The following NRXN1 variants were observed in gnomAD, a reference collection of about 807,000 sequenced individuals.
NRXN1 encodes neurexin 1, also known as neurexin-1.
In NRXN1, 39 loss-of-function variants were observed where a neutral mutation model predicts 150.9. The ratio of observed to expected loss-of-function variants is 0.26; its 90% CI spans 0.20 to 0.34. The LOEUF (loss-of-function observed/expected upper bound fraction) is 0.34, where lower values mean the gene tolerates loss of function less well. Ranked by LOEUF, NRXN1 falls within the 10% of genes least tolerant of loss-of-function variation. The probability of loss-of-function intolerance (pLI) is 1.00; values close to 1 mark genes in which losing one functional copy is unlikely to be tolerated. For synonymous variants in NRXN1, 924 were observed against 757.0 expected, an observed-to-expected ratio of 1.22 and a Z score of -3.62; for missense variants, 1,815 against 1,949.9, an observed-to-expected ratio of 0.93 and a Z score of 1.30.
chr2:50,223,753 C>G (rs1364040125), intron 18 of NRXN1, among the ~76,000 whole-genome samples: 1 of 151,926 alleles, frequency 6.6e-6, no homozygotes, highest in African/African-American at 2.4e-5. Flanking sequence ...CATTTACATG[C>G]TTAAGTACAC....
At chr2:49,927,376 A>C (rs908070268) in intron 22 of NRXN1, among the ~76,000 whole-genome samples, 4 of 152,254 alleles carry the variant, frequency 2.6e-5, no homozygotes, top group African/African-American at 9.6e-5. Context: ...GGGCACATTA[A>C]GCCATTAAAC....
At chr2:50,598,176 T>C (rs889535928) in intron 8 of NRXN1, among the ~76,000 whole-genome samples, 9 of 151,800 alleles carry the variant, frequency 5.9e-5, no homozygotes, top group African/African-American at 2.2e-4. Flanking sequence ...TCAATACCTC[T>C]ACCCGGTGAA....
intron 18 of NRXN1, among the ~76,000 whole-genome samples, chr2:50,197,858 C>T (rs1574448461): frequency 6.6e-6 from 1 of 152,120 alleles, no homozygotes; most frequent in Non-Finnish European, 1.5e-5. Context: ...AGAGAATGAA[C>T]ATATTTTTTA....
intron 5 of NRXN1, among the ~76,000 whole-genome samples, chr2:50,707,846 T>C (rs1430092481): frequency 6.6e-6 from 1 of 152,200 alleles, no homozygotes; most frequent in Non-Finnish European, 1.5e-5. Flanking sequence ...TCCTAGAAGA[T>C]CTTACAGATT....
At chr2:50,387,829 G>A (rs1427093287) in intron 17 of NRXN1, among the ~76,000 whole-genome samples, 1 of 152,124 alleles carries the variant, frequency 6.6e-6, no homozygotes, top group Non-Finnish European at 1.5e-5. Context: ...GAACTCCCAG[G>A]AGGCTGTGAA....
intron 18 of NRXN1, among the ~76,000 whole-genome samples, chr2:50,099,620 CTT>C (rs769044456): frequency 6.6e-6 from 1 of 152,100 alleles, no homozygotes; most frequent in Non-Finnish European, 1.5e-5. Context: ...TTATTCATCA[CTT>C]TGAAAAACAA....
At chr2:50,540,115 A>C (rs1028138870) in intron 9 of NRXN1, among the ~76,000 whole-genome samples, 1 of 152,204 alleles carries the variant, frequency 6.6e-6, no homozygotes, top group African/African-American at 2.4e-5. Flanking sequence ...TGGCCGAGTC[A>C]TTAAGAGGAT....
intron 21 of NRXN1, among the ~76,000 whole-genome samples, chr2:50,042,448 G>T (rs180797201): frequency 4.0e-4 from 61 of 152,254 alleles, no homozygotes; most frequent in African/African-American, 1.4e-3. Context: ...TGCCATGATT[G>T]TAAGTTTCCT....
intron 5 of NRXN1, among the ~76,000 whole-genome samples, chr2:50,855,052 G>C (rs540375964): frequency 6.6e-6 from 1 of 152,072 alleles, no homozygotes; most frequent in Non-Finnish European, 1.5e-5. Context: ...ACCTTCTCTA[G>C]ACACACCGGG....
chr2:50,393,789 A>G (rs1194328310), intron 17 of NRXN1, among the ~76,000 whole-genome samples: 2 of 152,138 alleles, frequency 1.3e-5, no homozygotes, highest in Non-Finnish European at 2.9e-5. Context: ...TGCTGCTGAC[A>G]CATACAATTC....
intron 17 of NRXN1, among the ~76,000 whole-genome samples, chr2:50,393,508 T>C (rs554137119): frequency 1.3e-5 from 2 of 152,222 alleles, no homozygotes; most frequent in East Asian, 3.9e-4. Context: ...ATTTTGGCTG[T>C]GGAAAACAGA....
At chr2:50,683,646 A>AAAAAAAAAAAAAAAAATATATAT in intron 5 of NRXN1, among the ~76,000 whole-genome samples, 20 of 14,906 alleles carry the variant, frequency 1.3e-3, no homozygotes, top group African/African-American at 2.5e-3. Flanking sequence ...AAAAAAAAAA[A>AAAAAAAAAAAAAAAAATATATAT]ATATATATAT....
intron 19 of NRXN1, among the ~76,000 whole-genome samples, chr2:50,073,867 G>A (rs968006085): frequency 2.6e-5 from 4 of 152,086 alleles, no homozygotes; most frequent in African/African-American, 7.2e-5. Flanking sequence ...ATTTTATCGA[G>A]AAAGAAGCAA....
At chr2:49,930,131 CAGTT>C (rs988170144) in intron 22 of NRXN1, among the ~76,000 whole-genome samples, 8 of 152,214 alleles carry the variant, frequency 5.3e-5, no homozygotes, top group Non-Finnish European at 1.0e-4. Flanking sequence ...AATTAAACAA[CAGTT>C]AGAGTGGTTG....
chr2:51,011,230 A>T (rs1342951032), intron 2 of NRXN1, among the ~76,000 whole-genome samples: 2 of 151,884 alleles, frequency 1.3e-5, no homozygotes, highest in Non-Finnish European at 2.9e-5. Context: ...GTTTTGTTTG[A>T]CCATTACCGA....
chr2:49,977,671 A>G (rs924587144), intron 21 of NRXN1, among the ~76,000 whole-genome samples: 1 of 152,188 alleles, frequency 6.6e-6, no homozygotes, highest in Non-Finnish European at 1.5e-5. Context: ...GGACAACTCA[A>G]AGGATGGTGA....
At chr2:49,973,554 T>C (rs1413334614) in intron 21 of NRXN1, among the ~76,000 whole-genome samples, 1 of 152,120 alleles carries the variant, frequency 6.6e-6, no homozygotes, top group East Asian at 1.9e-4. Context: ...TGGCAAGTAC[T>C]GAAAGCAGCT....
intron 17 of NRXN1, among the ~76,000 whole-genome samples, chr2:50,300,192 T>C (rs1192256699): frequency 6.6e-6 from 1 of 152,170 alleles, no homozygotes; most frequent in African/African-American, 2.4e-5. Context: ...AAAAGAGCCG[T>C]TGTTTCTGAA....
chr2:50,844,316 C>T (rs1673313947), intron 5 of NRXN1, among the ~76,000 whole-genome samples: 1 of 152,164 alleles, frequency 6.6e-6, no homozygotes, highest in Non-Finnish European at 1.5e-5. Context: ...CACTTCTCCG[C>T]TTAAATTTTG....
Sources: allele counts gnomAD v4.1 joint callset (sites outside exome capture counted in the v4.1 genomes callset), GRCh38; gene constraint gnomAD v4.1.1; transcripts MANE v1.5; gene names NCBI Gene and HGNC (gene_info 2026-07-23, HGNC 2026-07-21).